NUP58: variants seen among roughly 807,000 people sequenced by gnomAD.
NUP58 encodes nucleoporin p58/p45.
Under a neutral mutation model 70.1 loss-of-function variants are expected in NUP58, and 17 were observed. The observed-to-expected ratio is 0.24, with a 90% confidence interval of 0.17 to 0.36. The LOEUF (loss-of-function observed/expected upper bound fraction) is 0.36. NUP58 is among the 10% of genes least tolerant of loss of function. The pLI, the probability that NUP58 is intolerant of heterozygous loss-of-function variation, is 1.00. For synonymous variants in NUP58, 275 were observed against 257.6 expected (o/e 1.07, Z -0.65); for missense variants, 644 against 701.5 (o/e 0.92, Z 0.93).
Position 25,307,898 on chromosome 13 carries a change from T to C in NUP58, c.200T>C (p.Leu67Pro). 1 of 1,614,140 alleles carries C rather than the reference T, an allele frequency of 6.2e-7. No homozygotes were observed. Among genetic ancestry groups the C allele is most frequent in the Non-Finnish European group, 8.5e-7 (1 of 1,180,022 alleles). The change falls in exon 2 of 16, where the codon CTC (leucine) becomes CCC (proline). Residue 67 changes from leucine to proline, a missense_variant. This residue lies in a region of NUP58 where 430 missense variants were observed against 409.2 expected (regional missense o/e 1.05). Transcript: ENST00000381736. ...SAPSSGFGTG[L>P]FGSKPATGFT... ...CCTTCAAGTGGTTTTGGAACCGGGC[T>C]CTTTGGATCTAAACCTGCCACTGGG...
In NUP58 at chr13:25,326,946, G is replaced by A; in HGVS notation, c.1062G>A (p.Glu354=). The change falls in exon 11 of 16, where the codon GAG becomes GAA. Residue 354 remains glutamate, a synonymous_variant. Transcript: ENST00000381736. ...TCAGAATCTTGGTTCAGCAATTTGA[G>A]GTACAGCTTCAGCAGTACAGGCAGC... ...DYFRILVQQF[E]VQLQQYRQQI... is the part of the protein sequence containing the mutation. 6.3e-7 allele frequency: 1 copy of A among 1,593,138 alleles called. No homozygotes were observed.
rs138759997 is a variant in NUP58, at chr13:25,303,911, C to T, written c.107+2031C>T. ...TAGTAATAAGCTATAAAAAATTACC[C>T]AAGTTTTAGAGAGGCTTGGATAAAT... On this transcript the variant is annotated intron_variant, in intron 1 of 15. Transcript: ENST00000381736. 6.5e-3 allele frequency among the ~76,000 whole-genome samples: 983 copies of T among 152,216 alleles called. 16 individuals carry two copies. Among genetic ancestry groups the T allele is most frequent in the African/African-American group, 0.023 (935 of 41,520 alleles).
At position 25,328,483 on chromosome 13, in the gene NUP58, C is replaced by T. The variant is rs563346259; in HGVS notation, c.1233+971C>T. 3.4e-4 allele frequency among the ~76,000 whole-genome samples: 52 copies of T among 151,162 alleles called. 1 individual carries two copies. In the South Asian group the frequency reaches 9.3e-3, roughly 27 times the overall value. On this transcript the variant is annotated intron_variant, in intron 12 of 15. Transcript: ENST00000381736. ...TGATCTTGGTTCACTGCAACCTCCACCTCCTGGGTTCAAGTGATTCTCATG... is the reference window on the plus strand; with the variant it reads ...TGATCTTGGTTCACTGCAACCTCCATCTCCTGGGTTCAAGTGATTCTCATG...
intron 3 of NUP58, among the ~76,000 whole-genome samples, chr13:25,347,699 A>G (rs1216206022): frequency 1.3e-5 from 2 of 152,088 alleles, no homozygotes; most frequent in African/African-American, 2.4e-5. Flanking sequence ...TTAGGAGTCT[A>G]CTCCATATAC....
At chr13:25,339,936 A>T (rs1400679476) in intron 15 of NUP58, 29 bp from the exon 16 acceptor site, 1 of 1,534,992 alleles carries the variant, frequency 6.5e-7, no homozygotes, top group Non-Finnish European at 8.7e-7. Flanking sequence ...TCAACTTCTG[A>T]TATGAATATT....
At chr13:25,338,263 T>C (rs1250799216) in intron 14 of NUP58, among the ~76,000 whole-genome samples, 1 of 152,194 alleles carries the variant, frequency 6.6e-6, no homozygotes, top group Non-Finnish European at 1.5e-5. Context: ...TATTAATGTA[T>C]TTAGTCCTTT....
intron 1 of NUP58, 78 bp downstream of exon 1, chr13:25,301,958 C>T (rs1415291587): frequency 5.5e-6 from 5 of 901,460 alleles, no homozygotes; most frequent in East Asian, 5.6e-5. Flanking sequence ...GTGTCCCCAT[C>T]CTGTCTCTTC....
In NUP58 at chr13:25,341,765, A is replaced by G. The variant is rs1453334297; in HGVS notation, c.*1631A>G. 6.6e-6 allele frequency: 1 copy of G among 152,664 alleles called. No homozygotes were observed. Among genetic ancestry groups the G allele is most frequent in the African/African-American group, 2.4e-5 (1 of 41,466 alleles). The allele number at this position is 152,664 out of a possible 1,614,324, so 9.5% of individuals were successfully genotyped here. A position where few individuals can be genotyped will look rare whatever the true frequency, so the allele number is the denominator to read the frequency against. Reference sequence around the variant, plus strand: ...TATGATTCAATTGCAATTTTCAGATAGGATGTGAACATGGAATTTCATTGA... The same window carrying G: ...TATGATTCAATTGCAATTTTCAGATGGGATGTGAACATGGAATTTCATTGA... On this transcript the variant is annotated 3_prime_UTR_variant, in exon 16 of 16. Coordinates refer to ENST00000381736, the MANE Select transcript of NUP58 (RefSeq NM_014089.4).
chr13:25,314,473 G>C (rs1176682152), intron 5 of NUP58, among the ~76,000 whole-genome samples: 1 of 151,984 alleles, frequency 6.6e-6, no homozygotes, highest in Non-Finnish European at 1.5e-5. Flanking sequence ...AGGCAGGTGG[G>C]TCATCTGAGG....
At chr13:25,322,021 T>C (rs745365290) in intron 9 of NUP58, among the ~76,000 whole-genome samples, 7 of 152,260 alleles carry the variant, frequency 4.6e-5, no homozygotes, top group Non-Finnish European at 8.8e-5. Flanking sequence ...ACATATTAAA[T>C]ATATGTCGTT....
At chr13:25,324,944 C>G in intron 9 of NUP58, 45 bp from the exon 10 acceptor site, 1 of 1,253,936 alleles carries the variant, frequency 8.0e-7, no homozygotes, top group Non-Finnish European at 1.1e-6. Flanking sequence ...TAACATAACT[C>G]TTAACTGGCT....
At chr13:25,333,474 G>A in intron 13 of NUP58, 1 of 985,342 alleles carries the variant, frequency 1.0e-6, no homozygotes, top group African/African-American at 1.7e-5. Flanking sequence ...TCATCAGATG[G>A]CAGAAATTAT....
chr13:25,332,534 A>G, intron 13 of NUP58: 2 of 899,702 alleles, frequency 2.2e-6, no homozygotes, highest in South Asian at 5.2e-5. Flanking sequence ...ATTATAATAC[A>G]CACAAAAAAA....
In NUP58 at chr13:25,319,466, T is replaced by C. The variant is rs144666559; in HGVS notation, c.710+116T>C. ...ATATACATTTAGGAGAAAAAACTTT[T>C]TTGTAATGGTATTCGTTAAAAGTAA... On this transcript the variant is annotated intron_variant, in intron 7 of 15. Coordinates refer to ENST00000381736, the MANE Select transcript of NUP58 (RefSeq NM_014089.4). 7.2e-3 allele frequency: 5,950 copies of C among 828,700 alleles called. 187 individuals carry two copies. In the East Asian group the frequency reaches 0.083, roughly 12 times the overall value. The allele number at this position is 828,700 out of a possible 1,614,324, so 51.3% of individuals were successfully genotyped here.
chr13:25,331,191 C>G (rs2031588770), intron 12 of NUP58, among the ~76,000 whole-genome samples, 166 bp from the exon 13 acceptor site: 1 of 152,162 alleles, frequency 6.6e-6, no homozygotes, highest in Admixed American at 6.5e-5. Flanking sequence ...AACTCTTGAA[C>G]TCATCATTTC....
downstream of NUP58, among the ~76,000 whole-genome samples, chr13:25,346,390 T>G (rs2032050954): frequency 6.6e-6 from 1 of 152,110 alleles, no homozygotes; most frequent in Non-Finnish European, 1.5e-5. Context: ...TAACTTTACA[T>G]AAATTAATGA....
At chr13:25,332,339 G>A in intron 13 of NUP58, 6 of 985,380 alleles carry the variant, frequency 6.1e-6, no homozygotes, top group Non-Finnish European at 7.2e-6. Flanking sequence ...ATTTGGTCCT[G>A]TGTCTTTCGG....
downstream of NUP58, among the ~76,000 whole-genome samples, chr13:25,342,863 TTG>T (rs1308332524): frequency 6.6e-6 from 1 of 152,170 alleles, no homozygotes; most frequent in Non-Finnish European, 1.5e-5. Context: ...GTTAAAAAGT[TTG>T]TGTTCTGGAC....
At chr13:25,311,673 C>CTTTTTTTTT in intron 3 of NUP58, among the ~76,000 whole-genome samples, 1 of 121,962 alleles carries the variant, frequency 8.2e-6, no homozygotes, top group Non-Finnish European at 1.7e-5. Flanking sequence ...CGGCACCTGT[C>CTTTTTTTTT]TTTTTTTTTT....
Sources: gnomAD v4.1 joint callset for allele counts (sites outside exome capture counted in the v4.1 genomes callset) on GRCh38, gnomAD v4.1.1 for gene constraint, gnomAD v4.1.1 regional missense constraint, MANE v1.5 for transcripts, NCBI Gene and HGNC (gene_info 2026-07-23, HGNC 2026-07-21) for gene names.